Variants in LMLN observed in about 807,000 individuals in gnomAD.
LMLN encodes leishmanolysin like peptidase.
Under a neutral mutation model 92.3 loss-of-function variants are expected in LMLN, and 70 were observed. The ratio of observed to expected loss-of-function variants is 0.76; its 90% confidence interval spans 0.63 to 0.92. The LOEUF is 0.92. Ranked by LOEUF, LMLN falls within the 40% of genes least tolerant of loss-of-function variation. The pLI, the probability that LMLN is intolerant of heterozygous loss-of-function variation, is 0.00. For missense variants in LMLN, 691 were observed against 814.6 expected (o/e 0.85, Z 1.85); for synonymous variants, 308 against 296.2 (o/e 1.04, Z -0.41).
intron 5 of LMLN, among the ~76,000 whole-genome samples, chr3:197,979,857 T>C (rs12496067): frequency 8.5e-5 from 13 of 152,342 alleles, no homozygotes; most frequent in Admixed American, 8.5e-4. Flanking sequence ...CATACCTTTA[T>C]ATTGTTTGAA....
intron 8 of LMLN, among the ~76,000 whole-genome samples, chr3:197,989,916 C>G (rs1324945311): frequency 6.6e-6 from 1 of 152,126 alleles, no homozygotes; most frequent in African/African-American, 2.4e-5. Flanking sequence ...ATTCTGTCAC[C>G]CAGGCTGGAG....
chr3:197,986,872 C>G (rs1478369079), intron 8 of LMLN, among the ~76,000 whole-genome samples: 6 of 148,952 alleles, frequency 4.0e-5, no homozygotes, highest in Admixed American at 2.0e-4. Context: ...GACAGTCTCG[C>G]TCTGTCGTTC....
chr3:198,027,302 G>A (rs1722959278), intron 14 of LMLN, among the ~76,000 whole-genome samples: 1 of 151,008 alleles, frequency 6.6e-6, no homozygotes, highest in South Asian at 2.1e-4. Context: ...AACGGCTTTA[G>A]ACGTAATTGC....
chr3:198,018,476 C>T (rs916123808), intron 11 of LMLN, among the ~76,000 whole-genome samples: 3 of 152,166 alleles, frequency 2.0e-5, no homozygotes, highest in African/African-American at 7.2e-5. Context: ...GACTTCAAAG[C>T]CTTTGCTTTC....
At chr3:198,013,700 C>T (rs1284268085) in intron 11 of LMLN, among the ~76,000 whole-genome samples, 9 of 129,230 alleles carry the variant, frequency 7.0e-5, no homozygotes, top group Non-Finnish European at 9.7e-5. Context: ...TCAGAGCCCC[C>T]TAACTAGTCT....
At chr3:198,001,658 G>A (rs1467158711) in intron 11 of LMLN, among the ~76,000 whole-genome samples, 4 of 152,150 alleles carry the variant, frequency 2.6e-5, no homozygotes, top group South Asian at 2.1e-4. Flanking sequence ...TTGGAGCACC[G>A]CGACTCCTTC....
intron 11 of LMLN, among the ~76,000 whole-genome samples, chr3:198,011,770 T>C (rs1358916237): frequency 6.6e-6 from 1 of 152,004 alleles, no homozygotes; most frequent in Non-Finnish European, 1.5e-5. Context: ...TTTCTCCACA[T>C]CCTCTCCAGC....
chr3:197,975,771 GCTTT>G (rs1368003496), intron 3 of LMLN, among the ~76,000 whole-genome samples: 1 of 152,062 alleles, frequency 6.6e-6, no homozygotes, highest in Non-Finnish European at 1.5e-5. Flanking sequence ...ATGTTTTCTG[GCTTT>G]CTATTTAAAT....
chr3:197,990,017 G>C (rs1721820677), intron 8 of LMLN, among the ~76,000 whole-genome samples: 1 of 152,110 alleles, frequency 6.6e-6, no homozygotes, highest in Admixed American at 6.5e-5. Context: ...TGGGACTACA[G>C]GCACACACTA....
chr3:197,980,597 C>G (rs182365044), intron 6 of LMLN, 93 bp downstream of exon 6: 2 of 1,281,662 alleles, frequency 1.6e-6, no homozygotes, highest in East Asian at 2.3e-5. Flanking sequence ...AGGAATCTTG[C>G]ATTTGCCAGA....
At chr3:197,960,500 C>T in intron 1 of LMLN, 60 bp downstream of exon 1, 5 of 1,486,510 alleles carry the variant, frequency 3.4e-6, no homozygotes, top group Non-Finnish European at 2.8e-6. Flanking sequence ...AAGGAGCAGG[C>T]GTAGGAGATA....
chr3:198,032,713 G>A (rs1723110481), intron 14 of LMLN, among the ~76,000 whole-genome samples: 2 of 152,062 alleles, frequency 1.3e-5, no homozygotes, highest in South Asian at 4.2e-4. Context: ...CCTGTGGGGA[G>A]GGCACCAAGC....
chr3:198,011,370 G>A (rs1247456959), intron 11 of LMLN, among the ~76,000 whole-genome samples: 13 of 152,010 alleles, frequency 8.6e-5, no homozygotes, highest in Admixed American at 6.6e-4. Flanking sequence ...GAGAACATGC[G>A]GTGTTTGTTT....
At chr3:197,982,912 A>G (rs6770002) in intron 6 of LMLN, among the ~76,000 whole-genome samples, 9,844 of 152,290 alleles carry the variant, frequency 0.065, 378 homozygotes, top group African/African-American at 0.1. Flanking sequence ...GAAGCCATGT[A>G]CACCTGTTGC....
intron 1 of LMLN, among the ~76,000 whole-genome samples, chr3:197,965,649 T>C (rs141310194): frequency 1.6e-3 from 240 of 152,364 alleles, no homozygotes; most frequent in African/African-American, 5.5e-3. Flanking sequence ...GTACAGTCAC[T>C]CATGCCTATA....
chr3:198,006,744 G>C (rs1024016180), intron 11 of LMLN, among the ~76,000 whole-genome samples: 9 of 148,610 alleles, frequency 6.1e-5, no homozygotes, highest in Non-Finnish European at 1.2e-4. Context: ...ATGGAGTTTT[G>C]CTCCGTCACC....
intron 8 of LMLN, among the ~76,000 whole-genome samples, chr3:197,986,722 A>G (rs1458559346): frequency 6.6e-6 from 1 of 152,232 alleles, no homozygotes; most frequent in Non-Finnish European, 1.5e-5. Flanking sequence ...TGGTTAGATG[A>G]ACAGATAACG....
intron 1 of LMLN, among the ~76,000 whole-genome samples, chr3:197,964,915 G>C (rs1291704520): frequency 6.6e-6 from 1 of 151,628 alleles, no homozygotes; most frequent in East Asian, 2.0e-4. Flanking sequence ...GCTGAGGCAG[G>C]AGAATTGCTT....
intron 11 of LMLN, among the ~76,000 whole-genome samples, chr3:198,008,184 G>A (rs1157738562): frequency 6.6e-6 from 1 of 151,964 alleles, no homozygotes; most frequent in Non-Finnish European, 1.5e-5. Context: ...ATATAGATCT[G>A]GAGTTTTCTC....
Sources: gnomAD v4.1 joint callset for allele counts (sites outside exome capture counted in the v4.1 genomes callset) on GRCh38, gnomAD v4.1.1 for gene constraint, MANE v1.5 for transcripts, NCBI Gene and HGNC (gene_info 2026-07-23, HGNC 2026-07-21) for gene names.